The following TDP1 variants were observed in gnomAD, a reference collection of about 807,000 sequenced individuals.
TDP1 encodes the protein tyrosyl-DNA phosphodiesterase 1.
TDP1 carries 64 observed loss-of-function variants against 81.5 expected under a neutral mutation model. The ratio of observed to expected loss-of-function variants is 0.79; its 90% CI spans 0.64 to 0.97. TDP1 has a LOEUF of 0.97. TDP1 is among the 50% of genes least tolerant of loss of function. TDP1 has a pLI of 0.00. For missense variants in TDP1, 723 were observed against 743.8 expected (o/e 0.97, Z 0.33); for synonymous variants, 256 against 264.3 (o/e 0.97, Z 0.30).
chr14:90,030,296 T>G (rs948039091), intron 15 of TDP1, among the ~76,000 whole-genome samples: 4 of 152,354 alleles, frequency 2.6e-5, no homozygotes, highest in African/African-American at 9.6e-5. Flanking sequence ...GCTCTGTGCT[T>G]TGCTGACCCT....
At chr14:89,958,919 A>T (rs1321510702) in intron 2 of TDP1, among the ~76,000 whole-genome samples, 1 of 152,270 alleles carries the variant, frequency 6.6e-6, no homozygotes, top group Non-Finnish European at 1.5e-5. Context: ...TATTTCAAAT[A>T]TAACGTAGCC....
At chr14:89,989,668 T>C (rs1447960217) in intron 11 of TDP1, 49 bp from the exon 12 acceptor site, 1 of 1,434,074 alleles carries the variant, frequency 7.0e-7, no homozygotes, top group Non-Finnish European at 9.8e-7. Context: ...TCATTCCTTT[T>C]CTTCAACATG....
At chr14:90,039,512 A>G (rs11626288) in intron 16 of TDP1, among the ~76,000 whole-genome samples, 7,336 of 152,244 alleles carry the variant, frequency 0.048, 251 homozygotes, top group East Asian at 0.15. Flanking sequence ...CAGGTTTCGC[A>G]TAGAGATGAC....
At chr14:90,002,023 C>T (rs1566895337) in intron 14 of TDP1, among the ~76,000 whole-genome samples, 3 of 151,998 alleles carry the variant, frequency 2.0e-5, no homozygotes, top group African/African-American at 7.3e-5. Flanking sequence ...TGGTTACTGA[C>T]CAAAAATTAT....
intron 14 of TDP1, among the ~76,000 whole-genome samples, chr14:90,006,436 T>C (rs1002845342): frequency 2.6e-5 from 4 of 152,102 alleles, no homozygotes; most frequent in African/African-American, 9.7e-5. Flanking sequence ...TGGAGTGCAA[T>C]GGCATGCTCA....
At position 89,988,916 on chromosome 14, in the gene TDP1, C is replaced by G. The variant is rs752676301; in HGVS notation, c.1143C>G (p.Asp381Glu). 6.2e-7 allele frequency: 1 copy of G among 1,614,136 alleles called. No homozygotes were observed. Among genetic ancestry groups the G allele is most frequent in the Non-Finnish European group, 8.5e-7 (1 of 1,179,974 alleles). ...GHFRLKKLLKDHASSMPNAES... is the reference protein window; with the variant it reads ...GHFRLKKLLKEHASSMPNAES... ...TTATTCTTTCCCAGCTTCTGAAAGA[C>G]CATGCCTCATCCATGCCTAACGCAG... Residue 381 changes from aspartate to glutamate, a missense_variant, in exon 11 of 17, where the codon GAC becomes GAG. Asp to Glu is a conservative substitution (Grantham distance 45). Coordinates refer to ENST00000335725, the MANE Select transcript of TDP1 (RefSeq NM_018319.4).
chr14:89,963,763 T>C (rs1892612293), intron 3 of TDP1, 90 bp downstream of exon 3: 2 of 1,445,896 alleles, frequency 1.4e-6, no homozygotes, highest in African/African-American at 2.8e-5. Flanking sequence ...GAATAGTTTC[T>C]GAGAACTCTT....
At chr14:89,981,486 G>A (rs1894969281) in intron 8 of TDP1, 1 of 454,340 alleles carries the variant, frequency 2.2e-6, no homozygotes, top group Admixed American at 2.4e-5. Context: ...CTCTGCCTGT[G>A]CTAGAGAAGA....
intron 16 of TDP1, among the ~76,000 whole-genome samples, chr14:90,041,156 G>C (rs1566935972): frequency 6.6e-6 from 1 of 152,202 alleles, no homozygotes; most frequent in African/African-American, 2.4e-5. Flanking sequence ...TTACCCAACA[G>C]AACAGTATAC....
chr14:89,979,509 A>G (rs1240673345), intron 7 of TDP1, among the ~76,000 whole-genome samples: 1 of 152,090 alleles, frequency 6.6e-6, no homozygotes, highest in African/African-American at 2.4e-5. Context: ...GGGTTTCACC[A>G]TGTTGGCAAG....
At chr14:90,016,888 A>G (rs1025254226) in intron 14 of TDP1, among the ~76,000 whole-genome samples, 1 of 152,176 alleles carries the variant, frequency 6.6e-6, no homozygotes, top group Non-Finnish European at 1.5e-5. Flanking sequence ...GTTCTACCCT[A>G]ATGATCTAAA....
chr14:89,985,855 T>C (rs1298607), intron 10 of TDP1, among the ~76,000 whole-genome samples: 1 of 152,044 alleles, frequency 6.6e-6, no homozygotes, highest in Non-Finnish European at 1.5e-5. Flanking sequence ...GGTGAAACCC[T>C]GTCTCTACTA....
At chr14:90,036,641 T>C (rs948550953) in intron 16 of TDP1, among the ~76,000 whole-genome samples, 4 of 152,176 alleles carry the variant, frequency 2.6e-5, no homozygotes, top group Non-Finnish European at 5.9e-5. Context: ...CACAGATCTA[T>C]ATTGAGAGCC....
At chr14:89,980,471 T>A in intron 7 of TDP1, 69 bp from the exon 8 acceptor site, 2 of 1,500,342 alleles carry the variant, frequency 1.3e-6, no homozygotes, top group Non-Finnish European at 1.9e-6. Flanking sequence ...GTATTACATT[T>A]GCATTGGAAA....
chr14:89,996,960 G>A (rs1896697092), intron 14 of TDP1, among the ~76,000 whole-genome samples: 1 of 152,258 alleles, frequency 6.6e-6, no homozygotes, highest in South Asian at 2.1e-4. Flanking sequence ...ATTGCCCGCT[G>A]TGGCAAGAAT....
intron 2 of TDP1, among the ~76,000 whole-genome samples, chr14:89,960,581 CCAGA>C (rs1174477052): frequency 1.3e-5 from 2 of 152,132 alleles, no homozygotes; most frequent in African/African-American, 2.4e-5. Context: ...CTCAAAAGAG[CCAGA>C]CAGTCTAGGG....
intron 6 of TDP1, chr14:89,975,363 A>G: frequency 2.0e-6 from 2 of 982,804 alleles, no homozygotes; most frequent in South Asian, 9.4e-5. Context: ...GGCGTGAGCC[A>G]CCGCACCTGG....
At chr14:90,040,704 A>C (rs1314435358) in intron 16 of TDP1, among the ~76,000 whole-genome samples, 1 of 152,246 alleles carries the variant, frequency 6.6e-6, no homozygotes, top group African/African-American at 2.4e-5. Context: ...ATTTAGGAGG[A>C]TTGCATAAAG....
At chr14:89,993,533 T>C (rs934872101) in intron 14 of TDP1, 50 bp downstream of exon 14, 6 of 1,597,772 alleles carry the variant, frequency 3.8e-6, no homozygotes, top group Non-Finnish European at 5.1e-6. Context: ...AATGTGTTCA[T>C]AATTCTTGCT....
Sources: gnomAD v4.1 joint callset for allele counts (sites outside exome capture counted in the v4.1 genomes callset) on GRCh38, gnomAD v4.1.1 for gene constraint, MANE v1.5 for transcripts, NCBI Gene and HGNC (gene_info 2026-07-23, HGNC 2026-07-21) for gene names.